Variants in ZMYM2 observed in about 807,000 individuals in gnomAD.
ZMYM2 encodes zinc finger MYM-type containing 2, also known as zinc finger MYM-type protein 2.
In ZMYM2, 56 loss-of-function variants were observed where a neutral mutation model predicts 162.8. The ratio of observed to expected loss-of-function variants is 0.34; its 90% confidence interval spans 0.28 to 0.43. The LOEUF (loss-of-function observed/expected upper bound fraction) is 0.43. Among genes scored for constraint, ZMYM2 ranks in the 20% least tolerant of loss-of-function variants. The pLI is 1.00. For synonymous variants in ZMYM2, 510 were observed against 541.6 expected, an observed-to-expected ratio of 0.94 and a Z score of 0.81; for missense variants, 1,275 against 1,621.8, an observed-to-expected ratio of 0.79 and a Z score of 3.67.
intron 2 of ZMYM2, among the ~76,000 whole-genome samples, chr13:19,971,244 G>GTGTGTGTGTATATATATATATATATATA (rs5802035): frequency 1.2e-4 from 6 of 50,124 alleles, no homozygotes; most frequent in Non-Finnish European, 1.6e-4. Context: ...GTGTGTGTGT[G>GTGTGTGTGTATATATATATATATATATA]TATATATATA....
chr13:20,034,507 C>CA (rs1044568715), intron 11 of ZMYM2, 103 bp downstream of exon 11: 117 of 1,161,610 alleles, frequency 1.0e-4, no homozygotes, highest in Non-Finnish European at 1.2e-4. Context: ...TGTAGCTGAA[C>CA]AAAAAAAATT....
chr13:20,012,351 T>G (rs1011914659), intron 6 of ZMYM2, among the ~76,000 whole-genome samples: 19 of 142,886 alleles, frequency 1.3e-4, no homozygotes, highest in Non-Finnish European at 2.5e-4. Context: ...AATTTTTGTA[T>G]TTTTTTTTAG....
the ZMYM2 span, among the ~76,000 whole-genome samples, chr13:19,903,506 A>G: frequency 3.6e-5 from 5 of 138,378 alleles, no homozygotes; most frequent in South Asian, 2.3e-4. Context: ...AAAAAAAAAG[A>G]AAATTTAAGA....
chr13:19,877,309 G>A, the ZMYM2 span, among the ~76,000 whole-genome samples: 3 of 152,202 alleles, frequency 2.0e-5, no homozygotes, highest in Non-Finnish European at 4.4e-5. Context: ...CACTTCTGGT[G>A]AGAACCTCAT....
the ZMYM2 span, among the ~76,000 whole-genome samples, chr13:19,948,322 A>T: frequency 6.6e-6 from 1 of 152,248 alleles, no homozygotes; most frequent in African/African-American, 2.4e-5. Context: ...AGCATTATTC[A>T]TAATTGTCAA....
At chr13:19,870,529 CT>C in the ZMYM2 span, among the ~76,000 whole-genome samples, 1 of 85,880 alleles carries the variant, frequency 1.2e-5, no homozygotes, top group South Asian at 6.5e-4. Flanking sequence ...TTCTCTCTTT[CT>C]TTCTTTCTCT....
chr13:19,904,042 A>G, the ZMYM2 span, among the ~76,000 whole-genome samples: 1 of 152,052 alleles, frequency 6.6e-6, no homozygotes, highest in African/African-American at 2.4e-5. Context: ...AGAGAAGAAC[A>G]TATGTTTAAC....
At chr13:19,928,642 T>C in the ZMYM2 span, among the ~76,000 whole-genome samples, 3 of 151,736 alleles carry the variant, frequency 2.0e-5, no homozygotes, top group Admixed American at 6.6e-5. Flanking sequence ...ACTAAAAATA[T>C]AAAAATTAGC....
chr13:19,900,299 TCAAAAA>T, the ZMYM2 span, among the ~76,000 whole-genome samples: 5 of 151,950 alleles, frequency 3.3e-5, no homozygotes, highest in Admixed American at 2.6e-4. Context: ...TGAGACTGTC[TCAAAAA>T]CAAAAACAGT....
the ZMYM2 span, among the ~76,000 whole-genome samples, chr13:19,896,753 TC>T: frequency 8.4e-6 from 1 of 118,876 alleles, no homozygotes; most frequent in Non-Finnish European, 1.7e-5. Flanking sequence ...AGAGCAAGAC[TC>T]CATCTCAAAA....
rs554623871 is a variant in ZMYM2 at position 20,044,616 on chromosome 13, T to G, written c.2293-6817T>G. Among the ~76,000 whole-genome samples the G allele has an allele frequency of 2.6e-5, 4 of 152,304 alleles. No individual in the cohort carries two copies. In the South Asian group the frequency reaches 8.3e-4, roughly 32 times the overall value. On this transcript the variant is annotated intron_variant, in intron 12 of 24. Coordinates refer to ENST00000610343, the MANE Select transcript of ZMYM2 (RefSeq NM_197968.4). ...TCTCTTTTCACACATTGCATCAGTT[T>G]CTTCCTAGATAAGAAAATGAGTGTA... is the stretch of plus-strand genomic sequence containing the variant.
the ZMYM2 span, among the ~76,000 whole-genome samples, chr13:19,894,383 T>C: frequency 6.6e-6 from 1 of 151,738 alleles, no homozygotes; most frequent in Non-Finnish European, 1.5e-5. Context: ...TTCACTCTTG[T>C]TGCCAAGGCT....
At chr13:19,941,543 T>C in the ZMYM2 span, among the ~76,000 whole-genome samples, 24 of 152,166 alleles carry the variant, frequency 1.6e-4, 1 homozygote, top group Middle Eastern at 0.01. Flanking sequence ...GTGTTTTCCT[T>C]ATTTGGGTAT....
chr13:20,071,016 C>G (rs1350551457), intron 21 of ZMYM2: 1 of 152,966 alleles, frequency 6.5e-6, no homozygotes, highest in Non-Finnish European at 1.5e-5. Flanking sequence ...AGAACTTGCA[C>G]TGCCTGTTCA....
At chr13:19,999,033 AG>A (rs1950207722) in intron 3 of ZMYM2, among the ~76,000 whole-genome samples, 1 of 152,224 alleles carries the variant, frequency 6.6e-6, no homozygotes, top group African/African-American at 2.4e-5. Context: ...CCTGCAGAAC[AG>A]CAACTAGTGC....
the ZMYM2 span, among the ~76,000 whole-genome samples, chr13:19,939,446 GT>G: frequency 6.6e-6 from 1 of 151,950 alleles, no homozygotes; most frequent in Admixed American, 6.6e-5. Context: ...ATAGGCCATA[GT>G]ATATGATTTA....
intron 9 of ZMYM2, among the ~76,000 whole-genome samples, chr13:20,028,272 T>C (rs1952764706): frequency 6.6e-6 from 1 of 152,200 alleles, no homozygotes; most frequent in South Asian, 2.1e-4. Context: ...ATCATGGCCA[T>C]TGATACATCC....
chr13:20,051,122 C>T (rs1320038841), intron 12 of ZMYM2, among the ~76,000 whole-genome samples: 2 of 151,952 alleles, frequency 1.3e-5, no homozygotes, highest in Non-Finnish European at 2.9e-5. Context: ...CATTATATGG[C>T]CCTCAAAATT....
chr13:20,052,402 A>G (rs933351416), intron 14 of ZMYM2, 91 bp downstream of exon 14: 16 of 1,286,768 alleles, frequency 1.2e-5, no homozygotes, highest in Non-Finnish European at 1.7e-5. Flanking sequence ...CATAATAGTA[A>G]TTTTTTTGGT....
Sources: gnomAD v4.1 joint callset for allele counts (sites outside exome capture counted in the v4.1 genomes callset) on GRCh38, gnomAD v4.1.1 for gene constraint, MANE v1.5 for transcripts, NCBI Gene and HGNC (gene_info 2026-07-23, HGNC 2026-07-21) for gene names.